SART3: variants seen among roughly 807,000 people sequenced by gnomAD.
The protein encoded by SART3 is spliceosome associated factor 3, U4/U6 recycling protein.
A neutral mutation model predicts 122.3 loss-of-function variants in SART3; 44 were observed. The ratio of observed to expected loss-of-function variants is 0.36; its 90% CI spans 0.28 to 0.46. The LOEUF (loss-of-function observed/expected upper bound fraction) is 0.46, where lower values mean the gene tolerates loss of function less well. SART3 is among the 20% of genes least tolerant of loss of function. The pLI is 1.00. For synonymous variants in SART3, 442 were observed against 454.0 expected (o/e 0.97, Z 0.34); for missense variants, 1,101 against 1,229.0 (o/e 0.90, Z 1.56).
In SART3 at chr12:108,530,178, C is replaced by T. The variant is rs768334480; in HGVS notation, c.1879G>A (p.Glu627Lys). ...TCGCCCCACTCTTTCTCATCATCCT[C>T]ATCTGCTCCGCGCTTCTCTGGGCCT... is the stretch of plus-strand genomic sequence containing the variant. ...IRGPEKRGAD[E>K]DDEKEWGDDE... is the part of the protein sequence containing the mutation. The change falls in exon 15 of 19, where the codon GAG (glutamate) becomes AAG (lysine). Residue 627 changes from glutamate (E) to lysine (K), a missense_variant. This residue lies in a region of SART3 where 885 missense variants were observed against 1,080.1 expected (regional missense o/e 0.82). Coordinates refer to ENST00000546815, the MANE Select transcript of SART3 (RefSeq NM_014706.4). 2.4e-5 allele frequency: 38 copies of T among 1,614,088 alleles called. No homozygotes were observed. The East Asian group carries it at 7.3e-4, about 31-fold the overall frequency.
At chr12:108,527,393 C>T (rs1872432474) in intron 15 of SART3, among the ~76,000 whole-genome samples, 1 of 152,216 alleles carries the variant, frequency 6.6e-6, no homozygotes, top group South Asian at 2.1e-4. Flanking sequence ...CTTCCCTTCT[C>T]GCTGCCACAG....
chr12:108,552,795 C>T (rs1254024042), intron 1 of SART3, among the ~76,000 whole-genome samples: 1 of 152,076 alleles, frequency 6.6e-6, no homozygotes, highest in Non-Finnish European at 1.5e-5. Context: ...ACTGAAACTC[C>T]AATTAAAATC....
intron 3 of SART3, among the ~76,000 whole-genome samples, chr12:108,547,221 C>G (rs574370112): frequency 6.6e-6 from 1 of 152,090 alleles, no homozygotes; most frequent in African/African-American, 2.4e-5. Context: ...ATACAAGGGA[C>G]GGTAAAGAGA....
At chr12:108,556,868 C>T (rs1010344631) in intron 1 of SART3, among the ~76,000 whole-genome samples, 1 of 152,232 alleles carries the variant, frequency 6.6e-6, no homozygotes, top group Non-Finnish European at 1.5e-5. Flanking sequence ...TTGCGGAGCA[C>T]AAACAGGAGT....
chr12:108,538,341 CA>C, intron 7 of SART3, 138 bp from the exon 8 acceptor site: 7 of 990,690 alleles, frequency 7.1e-6, no homozygotes, highest in East Asian at 5.1e-5. Flanking sequence ...TCAACAACAA[CA>C]AAAAAATCAC....
chr12:108,560,800 C>T (rs1264222233), intron 1 of SART3, 43 bp downstream of exon 1: 1 of 1,542,956 alleles, frequency 6.5e-7, no homozygotes. Context: ...GACCCGAGGA[C>T]CTGAAAGACT....
Position 108,532,209 on chromosome 12 carries a change from C to G in SART3, c.1669+13G>C, listed in dbSNP as rs1872709504. On this transcript the variant is annotated intron_variant, in intron 13 of 18. Coordinates refer to ENST00000546815, the MANE Select transcript of SART3 (RefSeq NM_014706.4). ...GGTTAGGCTCCAAGCCAGAAGAGAG[C>G]TGGGGGTCCCACCTTCTGTCCTCTC... 6.2e-7 allele frequency: 1 copy of G among 1,609,200 alleles called. No homozygotes were observed. Among genetic ancestry groups the G allele is most frequent in the African/African-American group, 1.3e-5 (1 of 74,848 alleles).
At chr12:108,545,387 T>C (rs937705569) in intron 3 of SART3, 64 bp from the exon 4 acceptor site, 1 of 1,535,796 alleles carries the variant, frequency 6.5e-7, no homozygotes, top group Non-Finnish European at 9.0e-7. Context: ...AACTGATGCA[T>C]AACAAACGAA....
At chr12:108,533,148 C>G (rs1259858753) in intron 12 of SART3, among the ~76,000 whole-genome samples, 2 of 151,976 alleles carry the variant, frequency 1.3e-5, no homozygotes, top group Non-Finnish European at 2.9e-5. Context: ...AAAGTAAGAT[C>G]CACGTACCCC....
intron 11 of SART3, 98 bp from the exon 12 acceptor site, chr12:108,535,566 A>C: frequency 1.0e-6 from 1 of 977,804 alleles, no homozygotes; most frequent in African/African-American, 1.6e-5. Flanking sequence ...AAAGCACCCC[A>C]CAACTATTAG....
Position 108,523,400 on chromosome 12 carries a change from T to TG in SART3, c.*56dup. On this transcript the variant is annotated 3_prime_UTR_variant, in exon 19 of 19. Transcript: ENST00000546815. ...CCATCCCCAGTGCACTGCTGGGTGG[T>TG]GGGAGGTCCGCCGGGCCAGAGTGAA... 6.3e-7 allele frequency: 1 copy of TG among 1,577,874 alleles called. No homozygotes were observed. The highest frequency in any genetic ancestry group is 1.7e-5 in the Admixed American group (1 of 59,972).
At chr12:108,539,173 T>A in intron 6 of SART3, 84 bp from the exon 7 acceptor site, 1 of 1,436,234 alleles carries the variant, frequency 7.0e-7, no homozygotes, top group Non-Finnish European at 9.6e-7. Flanking sequence ...TTGGCAAAAC[T>A]GGCTACAGTA....
Position 108,538,154 on chromosome 12 carries a change from G to A in SART3, c.1112C>T (p.Ala371Val). ...KDLVLSVHNRAIRNCPWTVAL... is the reference protein window; with the variant it reads ...KDLVLSVHNRVIRNCPWTVAL... ...AACTGTCCAGGGGCAGTTTCTAATA[G>A]CGCGGTTATGTACAGATAAAACCAA... Residue 371 changes from alanine (A) to valine (V), a missense_variant, in exon 8 of 19, where the codon GCT becomes GTT. Ala to Val is a moderately conservative substitution (Grantham distance 64, BLOSUM62 0). This residue lies in a region of SART3 where 885 missense variants were observed against 1,080.1 expected (regional missense o/e 0.82). Transcript: ENST00000546815. 1.9e-6 allele frequency: 3 copies of A among 1,614,154 alleles called. No homozygotes were observed. The highest frequency in any genetic ancestry group is 2.5e-6 in the Non-Finnish European group (3 of 1,180,008).
chr12:108,552,550 A>AC (rs2030053906), intron 1 of SART3, among the ~76,000 whole-genome samples: 2 of 151,906 alleles, frequency 1.3e-5, no homozygotes, highest in East Asian at 3.9e-4. Flanking sequence ...AACAAAAAAA[A>AC]AAACAAAAGA....
intron 1 of SART3, 112 bp from the exon 2 acceptor site, chr12:108,549,326 T>A: frequency 8.1e-7 from 1 of 1,232,842 alleles, no homozygotes; most frequent in East Asian, 2.5e-5. Flanking sequence ...AAACGTGCTA[T>A]CTGAGAAAAC....
At chr12:108,527,034 G>A (rs1258818980) in intron 15 of SART3, among the ~76,000 whole-genome samples, 6 of 152,222 alleles carry the variant, frequency 3.9e-5, no homozygotes, top group Admixed American at 3.9e-4. Context: ...GTGTCCTTAA[G>A]AGAGCTTAAC....
intron 6 of SART3, among the ~76,000 whole-genome samples, chr12:108,540,643 A>C (rs200103925): frequency 0.066 from 594 of 8,978 alleles, 26 homozygotes; most frequent in East Asian, 0.5. Flanking sequence ...ATTGAAGGCA[A>C]AAAAAAAAAA....
rs188070065 is a variant in SART3 at position 108,532,401 on chromosome 12, C to T, written c.1557-67G>A. 100 of 1,319,738 alleles carry T rather than the reference C, an allele frequency of 7.6e-5. 1 individual carries two copies. Among genetic ancestry groups the T allele is most frequent in the African/African-American group, 5.0e-4 (35 of 69,602 alleles). 81.8% of individuals were successfully genotyped at this position (1,319,738 alleles called of 1,614,324 possible). A position where few individuals can be genotyped will look rare whatever the true frequency, so the allele number is the denominator to read the frequency against. Reference sequence around the variant, plus strand: ...GTGGAAGGCACTCGAAGGGAGAGGCCGTCTTCTCCCAGGTAGAAACTCACT... The same window carrying T: ...GTGGAAGGCACTCGAAGGGAGAGGCTGTCTTCTCCCAGGTAGAAACTCACT... On this transcript the variant is annotated intron_variant, in intron 12 of 18. Coordinates refer to ENST00000546815, the MANE Select transcript of SART3 (RefSeq NM_014706.4).
intron 12 of SART3, 63 bp from the exon 13 acceptor site, chr12:108,532,397 A>AAGAC: frequency 2.2e-6 from 3 of 1,390,312 alleles, no homozygotes; most frequent in Admixed American, 1.7e-5. Context: ...TCGAAGGGAG[A>AAGAC]GGCCGTCTTC....
Sources: allele counts gnomAD v4.1 joint callset (sites outside exome capture counted in the v4.1 genomes callset), GRCh38; gene constraint gnomAD v4.1.1; regional missense constraint gnomAD v4.1.1; transcripts MANE v1.5; gene names NCBI Gene and HGNC (gene_info 2026-07-23, HGNC 2026-07-21).